Variants in TRIM34 observed in about 807,000 individuals in gnomAD.
TRIM34 encodes E3 ubiquitin-protein ligase TRIM34.
TRIM34 carries 41 observed loss-of-function variants against 38.1 expected under a neutral mutation model. The ratio of observed to expected loss-of-function variants is 1.08; its 90% CI spans 0.84 to 1.40. TRIM34 has a LOEUF of 1.40. Ranked by LOEUF, TRIM34 falls within the 40% of genes most tolerant of loss-of-function variation. The pLI is 0.00. For synonymous variants in TRIM34, 200 were observed against 202.5 expected (o/e 0.99, Z 0.10); for missense variants, 556 against 571.4 (o/e 0.97, Z 0.27).
At chr11:5,639,702 A>AAAT (rs1357812938) in intron 4 of TRIM34, among the ~76,000 whole-genome samples, 2 of 144,516 alleles carry the variant, frequency 1.4e-5, no homozygotes, top group Non-Finnish European at 3.0e-5. Context: ...AAAAAAAAAA[A>AAAT]AAAAAGATTG....
upstream of TRIM34, among the ~76,000 whole-genome samples, chr11:5,622,957 A>C (rs76276576): frequency 0.01 from 1,598 of 152,314 alleles, 28 homozygotes; most frequent in African/African-American, 0.037. Flanking sequence ...ATGTCCGCAA[A>C]GGCGGGACAG....
rs1223688602 is a variant in TRIM34, at chr11:5,632,736, A to C, written c.405A>C (p.Glu135Asp). ...GTCACCACACAGTCCTCACGGAGGA[A>C]GTATTCAAGGAATGTCAGGTAGGGC... ...HRGHHTVLTE[E>D]VFKECQEKLQ... is the part of the protein sequence containing the mutation. Residue 135 changes from glutamate (E) to aspartate (D), a missense_variant, in exon 2 of 8, where the codon GAA becomes GAC. Physicochemically the swap from Glu to Asp is conservative, Grantham distance 45. Transcript: ENST00000429814. The C allele has an allele frequency of 6.2e-7, 1 of 1,606,244 alleles. No homozygotes were observed. Among genetic ancestry groups the C allele is most frequent in the Non-Finnish European group, 8.5e-7 (1 of 1,174,814 alleles).
Position 5,644,218 on chromosome 11 carries a change from T to C in TRIM34, c.*509T>C. The C allele has an allele frequency of 5.0e-6, 2 of 398,940 alleles. No individual in the cohort carries two copies. Among genetic ancestry groups the C allele is most frequent in the Non-Finnish European group, 8.8e-6 (2 of 226,328 alleles). The allele number at this position is 398,940 out of a possible 1,614,324, so 24.7% of individuals were successfully genotyped here. On this transcript the variant is annotated 3_prime_UTR_variant, in exon 8 of 8. Transcript: ENST00000429814. ...GTCCAGAGTATTTGAGCTCAAACCT[T>C]GCCTGTTGTTTTCTAATCATGATGA...
chr11:5,627,016 A>G (rs998357540), intron 1 of TRIM34, among the ~76,000 whole-genome samples: 4 of 152,140 alleles, frequency 2.6e-5, no homozygotes, highest in Admixed American at 2.6e-4. Flanking sequence ...GAGTGACATG[A>G]TTGACATCTG....
Position 5,643,589 on chromosome 11 carries a change from C to A in TRIM34, c.1347C>A (p.Val449=). ...CAGGCATTGTCTCATTTTTCAATGT[C>A]ACAAGCCATGGCTCCCTCATTTACA... The part of the protein sequence containing the change: ...YEAGIVSFFN[V]TSHGSLIYKF... The change falls in exon 8 of 8, where the codon GTC becomes GTA. Residue 449 remains valine, a synonymous_variant. Coordinates refer to ENST00000429814, the MANE Select transcript of TRIM34 (RefSeq NM_021616.6). 6.2e-7 allele frequency: 1 copy of A among 1,614,110 alleles called. No individual in the cohort carries two copies. The highest frequency in any genetic ancestry group is 8.5e-7 in the Non-Finnish European group (1 of 1,180,000).
At chr11:5,635,389 G>T (rs1398010625) in intron 4 of TRIM34, among the ~76,000 whole-genome samples, 3 of 151,654 alleles carry the variant, frequency 2.0e-5, no homozygotes, top group African/African-American at 7.3e-5. Flanking sequence ...CGAGTAGCTG[G>T]GACTACAGGC....
chr11:5,642,987 C>A, intron 7 of TRIM34, 144 bp downstream of exon 7: 1 of 1,360,062 alleles, frequency 7.4e-7, no homozygotes, highest in South Asian at 1.5e-5. Flanking sequence ...AGTGTTTTAC[C>A]CCTCCAATTC....
chr11:5,640,991 T>C (rs1282518415), intron 4 of TRIM34, among the ~76,000 whole-genome samples, 176 bp from the exon 5 acceptor site: 2 of 152,208 alleles, frequency 1.3e-5, no homozygotes, highest in East Asian at 3.8e-4. Context: ...ATATCCCATC[T>C]TTCATTCCTG....
chr11:5,628,511 G>A (rs1225246124), intron 1 of TRIM34, among the ~76,000 whole-genome samples: 1 of 152,134 alleles, frequency 6.6e-6, no homozygotes, highest in Non-Finnish European at 1.5e-5. Context: ...TCAACTTTCA[G>A]CTTTTTTTCC....
chr11:5,637,159 C>A (rs576183340), intron 4 of TRIM34, among the ~76,000 whole-genome samples: 1 of 150,274 alleles, frequency 6.7e-6, no homozygotes, highest in African/African-American at 2.4e-5. Context: ...GGCGACAGAG[C>A]GAGACTCAGT....
chr11:5,643,832 G>C lies in TRIM34; in HGVS notation c.*123G>C, dbSNP rs138040113. ...TTCTTTAGAACTTTTACTCATCCTTGAGATGTATGGTGTATTTGGCTTGAG... is the reference window on the plus strand; with the variant it reads ...TTCTTTAGAACTTTTACTCATCCTTCAGATGTATGGTGTATTTGGCTTGAG... On this transcript the variant is annotated 3_prime_UTR_variant, in exon 8 of 8. Transcript: ENST00000429814. 8.4e-4 allele frequency: 1,078 copies of C among 1,278,168 alleles called. 7 individuals carry two copies. The African/African-American group carries it at 0.012, about 14-fold the overall frequency. 79.2% of individuals were successfully genotyped at this position (1,278,168 alleles called of 1,614,324 possible).
At chr11:5,621,070 A>G (rs1180755318), upstream of TRIM34, among the ~76,000 whole-genome samples, 3 of 152,164 alleles carry the variant, frequency 2.0e-5, no homozygotes, top group Non-Finnish European at 4.4e-5. Context: ...GTAGACACAC[A>G]TTCCTATCTC....
Position 5,634,662 on chromosome 11 carries a change from A to G in TRIM34, c.551A>G (p.Gln184Arg), listed in dbSNP as rs758848313. 2 of 1,613,870 alleles carry G rather than the reference A, an allele frequency of 1.2e-6. No homozygotes were observed. Among genetic ancestry groups the G allele is most frequent in the South Asian group, 1.1e-5 (1 of 91,072 alleles). The change falls in exon 4 of 8, where the codon CAA becomes CGA. Residue 184 changes from glutamine to arginine, a missense_variant. Transcript: ENST00000429814. ...YQVQTERQRI[Q>R]TEFDQLRSIL... Reference sequence around the variant, plus strand: ...GTACAAACTGAGAGACAAAGGATACAAACAGAATTTGATCAGCTTAGAAGC... The same window carrying G: ...GTACAAACTGAGAGACAAAGGATACGAACAGAATTTGATCAGCTTAGAAGC...
intron 1 of TRIM34, among the ~76,000 whole-genome samples, chr11:5,625,929 A>G (rs1407265898): frequency 2.0e-5 from 3 of 152,248 alleles, no homozygotes; most frequent in African/African-American, 7.2e-5. Context: ...GCTCAGAAGG[A>G]GCCCACGGAT....
intron 1 of TRIM34, among the ~76,000 whole-genome samples, chr11:5,629,931 C>T (rs920769645): frequency 2.6e-5 from 4 of 152,148 alleles, no homozygotes; most frequent in Non-Finnish European, 5.9e-5. Context: ...TGGTCTTGAT[C>T]TCCTTACCTC....
intron 4 of TRIM34, among the ~76,000 whole-genome samples, chr11:5,636,986 A>G (rs1354773306): frequency 1.3e-5 from 2 of 152,174 alleles, no homozygotes; most frequent in Non-Finnish European, 2.9e-5. Context: ...CTCTACTAAA[A>G]ATACAAAAAA....
chr11:5,620,906 AT>A (rs1184974157), upstream of TRIM34, among the ~76,000 whole-genome samples: 3 of 152,164 alleles, frequency 2.0e-5, no homozygotes, highest in Non-Finnish European at 4.4e-5. Context: ...GTCTTTTGGC[AT>A]TTTTGTTGCC....
At chr11:5,624,649 G>A (rs969998239), upstream of TRIM34, among the ~76,000 whole-genome samples, 3 of 152,198 alleles carry the variant, frequency 2.0e-5, no homozygotes, top group Non-Finnish European at 4.4e-5. Flanking sequence ...ATTCTTTGCT[G>A]TGGGAACTGT....
At chr11:5,629,854 CCCG>C (rs1414228224) in intron 1 of TRIM34, among the ~76,000 whole-genome samples, 1 of 152,088 alleles carries the variant, frequency 6.6e-6, no homozygotes, top group Non-Finnish European at 1.5e-5. Flanking sequence ...ACTACAGGCG[CCCG>C]CCGCCACCCC....
Sources: allele counts gnomAD v4.1 joint callset (sites outside exome capture counted in the v4.1 genomes callset), GRCh38; gene constraint gnomAD v4.1.1; transcripts MANE v1.5; gene names NCBI Gene and HGNC (gene_info 2026-07-23, HGNC 2026-07-21).